DNAH5: variants seen among roughly 807,000 people sequenced by gnomAD.
DNAH5 encodes the protein dynein axonemal heavy chain 5.
A neutral mutation model predicts 518.2 loss-of-function variants in DNAH5; 372 were observed. That is an observed-to-expected ratio of 0.72 (90% CI 0.66 to 0.78). The LOEUF (loss-of-function observed/expected upper bound fraction) is 0.78. Ranked by LOEUF, DNAH5 falls within the 30% of genes least tolerant of loss-of-function variation. The pLI is 0.00. For synonymous variants in DNAH5, 2,039 were observed against 2,025.9 expected, an observed-to-expected ratio of 1.01 and a Z score of -0.17; for missense variants, 5,523 against 5,687.0, an observed-to-expected ratio of 0.97 and a Z score of 0.93.
chr5:13,814,747 T>C lies in DNAH5; in HGVS notation c.7088A>G (p.Asn2363Ser), dbSNP rs910750925. 1.1e-5 allele frequency: 18 copies of C among 1,614,100 alleles called. No individual in the cohort carries two copies. The highest frequency in any genetic ancestry group is 5.0e-5 in the Admixed American group (3 of 60,010). The change falls in exon 43 of 79, where the codon AAT becomes AGT. Residue 2363 changes from asparagine to serine, a missense_variant. Around this residue, in one of 3 missense-constraint regions of DNAH5, gnomAD observed 5,121 missense variants for 5,223.3 expected, o/e 0.98. Coordinates refer to ENST00000265104, the MANE Select transcript of DNAH5 (RefSeq NM_001369.3). Reference sequence around the variant, plus strand: ...TGGAGCCATGGGAATCCGATCACCATTGGCAAGGGTTAGAGTTTTGTTATC... The same window carrying C: ...TGGAGCCATGGGAATCCGATCACCACTGGCAAGGGTTAGAGTTTTGTTATC... ...LDDNKTLTLA[N>S]GDRIPMAPNC...
At chr5:13,906,215 T>C (rs1471275654) in intron 12 of DNAH5, among the ~76,000 whole-genome samples, 3 of 152,184 alleles carry the variant, frequency 2.0e-5, no homozygotes, top group Non-Finnish European at 4.4e-5. Context: ...ACCCATAGAA[T>C]GTATAACACC....
At chr5:13,999,482 TTAACA>T (rs1302700079) in intron 1 of DNAH5, among the ~76,000 whole-genome samples, 1 of 152,280 alleles carries the variant, frequency 6.6e-6, no homozygotes, top group Admixed American at 6.5e-5. Context: ...CTTATTTTAC[TTAACA>T]TAACCTCTTC....
intron 70 of DNAH5, among the ~76,000 whole-genome samples, chr5:13,725,939 A>G (rs921036363): frequency 3.3e-5 from 5 of 152,192 alleles, no homozygotes; most frequent in African/African-American, 1.2e-4. Context: ...GGTGTGAGCC[A>G]CCGCGCCTGA....
chr5:13,963,048 C>T (rs978597184), intron 1 of DNAH5, among the ~76,000 whole-genome samples: 1 of 152,072 alleles, frequency 6.6e-6, no homozygotes, highest in Non-Finnish European at 1.5e-5. Flanking sequence ...GCCACCTTCT[C>T]CCTCTCCCTG....
chr5:13,884,954 G>A (rs541671429), intron 19 of DNAH5, 35 bp downstream of exon 19: 1 of 1,613,608 alleles, frequency 6.2e-7, no homozygotes, highest in South Asian at 1.1e-5. Flanking sequence ...AACTATGCCT[G>A]ATCATCCACT....
intron 29 of DNAH5, among the ~76,000 whole-genome samples, chr5:13,861,978 A>AAAAAT: frequency 9.6e-6 from 1 of 104,574 alleles, no homozygotes; most frequent in Non-Finnish European, 2.1e-5. Context: ...AAAAAAAAAC[A>AAAAAT]AGTTCAAATG....
intron 32 of DNAH5, among the ~76,000 whole-genome samples, chr5:13,843,835 G>C (rs1765596684): frequency 6.6e-6 from 1 of 152,202 alleles, no homozygotes; most frequent in African/African-American, 2.4e-5. Context: ...CAGGTTCCCT[G>C]ATGGGCATTC....
intron 35 of DNAH5, among the ~76,000 whole-genome samples, chr5:13,833,680 G>T (rs1378193631): frequency 6.6e-6 from 1 of 152,136 alleles, no homozygotes; most frequent in African/African-American, 2.4e-5. Context: ...CACAGAAGCT[G>T]TGGGAATGTC....
intron 52 of DNAH5, among the ~76,000 whole-genome samples, 195 bp from the exon 53 acceptor site, chr5:13,781,154 G>T (rs967802982): frequency 6.6e-6 from 1 of 152,170 alleles, no homozygotes; most frequent in African/African-American, 2.4e-5. Flanking sequence ...ATCAGACGGG[G>T]TGGGAACCGT....
Position 13,751,032 on chromosome 5 carries a change from T to C in DNAH5, c.11211+46A>G, listed in dbSNP as rs372156605. The C allele has an allele frequency of 1.2e-4, 192 of 1,588,968 alleles. No individual in the cohort carries two copies. In the African/African-American group the frequency reaches 2.5e-3, roughly 21 times the overall value. On this transcript the variant is annotated intron_variant, in intron 65 of 78. Coordinates refer to ENST00000265104, the MANE Select transcript of DNAH5 (RefSeq NM_001369.3). ...TTATCTTATTTTTGTCAATGAAATA[T>C]GACATTAAAGCAATGCAGAATGGGA...
chr5:13,803,882 T>C (rs1342994605), intron 47 of DNAH5, among the ~76,000 whole-genome samples: 1 of 152,200 alleles, frequency 6.6e-6, no homozygotes, highest in Non-Finnish European at 1.5e-5. Flanking sequence ...CAAAAAACAC[T>C]GTGGAATTTC....
At chr5:14,010,577 C>G (rs16903016) in intron 1 of DNAH5, among the ~76,000 whole-genome samples, 12,071 of 152,108 alleles carry the variant, frequency 0.079, 652 homozygotes, top group Admixed American at 0.12. Context: ...AAAATGAGAA[C>G]AGTCACTTGA....
At chr5:13,723,545 G>A (rs543446385) in intron 70 of DNAH5, among the ~76,000 whole-genome samples, 3 of 152,346 alleles carry the variant, frequency 2.0e-5, no homozygotes, top group East Asian at 3.8e-4. Flanking sequence ...AGAATACTAT[G>A]GGGCCAGATG....
chr5:13,887,914 G>A (rs1338242857), intron 17 of DNAH5, among the ~76,000 whole-genome samples: 1 of 152,024 alleles, frequency 6.6e-6, no homozygotes, highest in African/African-American at 2.4e-5. Flanking sequence ...AATGCTACTC[G>A]GGAATCATTC....
intron 32 of DNAH5, 116 bp from the exon 33 acceptor site, chr5:13,842,020 A>C (rs1765254305): frequency 4.3e-6 from 3 of 690,344 alleles, no homozygotes; most frequent in Non-Finnish European, 7.4e-6. Flanking sequence ...AAAATACTGT[A>C]AAAGCCAAAT....
Position 13,691,544 on chromosome 5 carries a change from C to A in DNAH5, c.*440G>T. On this transcript the variant is annotated 3_prime_UTR_variant, in exon 79 of 79. Transcript: ENST00000265104. ...GAAACCCTGAAAATAAGTCTCTTAACTTGACCTAAATACGAAAGGCAATAG... is the reference window on the plus strand; with the variant it reads ...GAAACCCTGAAAATAAGTCTCTTAAATTGACCTAAATACGAAAGGCAATAG... 6.2e-6 allele frequency: 1 copy of A among 160,326 alleles called. No individual in the cohort carries two copies. Among genetic ancestry groups the A allele is most frequent in the Non-Finnish European group, 1.4e-5 (1 of 73,032 alleles). The allele number at this position is 160,326 out of a possible 1,614,324, so 9.9% of individuals were successfully genotyped here.
In DNAH5 at chr5:13,841,762, C is replaced by T. The variant is rs574405090; in HGVS notation, c.5414G>A (p.Arg1805His). 25 of 1,613,902 alleles carry T rather than the reference C, an allele frequency of 1.5e-5. No individual in the cohort carries two copies. Among genetic ancestry groups the T allele is most frequent in the South Asian group, 2.2e-5 (2 of 91,076 alleles). The change falls in exon 33 of 79, where the codon CGC becomes CAC. Residue 1805 changes from arginine to histidine, a missense_variant. Physicochemically the swap from Arg to His is conservative, Grantham distance 29 (BLOSUM62 0). Transcript: ENST00000265104. ...ESQSSLHLVIRQAAANIQETG... is the reference protein window; with the variant it reads ...ESQSSLHLVIHQAAANIQETG... ...TTCTTGAATATTTGCGGCTGCCTGG[C>T]GAATCACAAGATGCAATGAGGACTG... is the stretch of plus-strand genomic sequence containing the variant.
intron 52 of DNAH5, among the ~76,000 whole-genome samples, chr5:13,785,142 T>C (rs942948195): frequency 5.9e-5 from 9 of 152,094 alleles, no homozygotes; most frequent in African/African-American, 2.2e-4. Flanking sequence ...TACAACTAGA[T>C]GGTCCCATCT....
rs1760416718 is a variant in DNAH5, at chr5:13,810,175, A to T, written c.7493T>A (p.Leu2498Gln). The change falls in exon 45 of 79, where the codon CTG becomes CAG. Residue 2498 changes from leucine to glutamine, a missense_variant. Physicochemically the swap from Leu to Gln is moderately radical, Grantham distance 113 (BLOSUM62 -2). Around this residue, in one of 3 missense-constraint regions of DNAH5, gnomAD observed 5,121 missense variants for 5,223.3 expected, o/e 0.98. Coordinates refer to ENST00000265104, the MANE Select transcript of DNAH5 (RefSeq NM_001369.3). ...GAGCTCCAGGCGGCGCCGTCCGTCCAGCTCCAGCGCCGCCCCCGCGCTCCA... is the reference window on the plus strand; with the variant it reads ...GAGCTCCAGGCGGCGCCGTCCGTCCTGCTCCAGCGCCGCCCCCGCGCTCCA... ...LLWSAGAALE[L>Q]DGRRRLELWL... 2 of 1,549,026 alleles carry T rather than the reference A, an allele frequency of 1.3e-6. No individual in the cohort carries two copies. The highest frequency in any genetic ancestry group is 2.0e-5 in the Admixed American group (1 of 50,922).
Sources: gnomAD v4.1 joint callset for allele counts (sites outside exome capture counted in the v4.1 genomes callset) on GRCh38, gnomAD v4.1.1 for gene constraint, gnomAD v4.1.1 regional missense constraint, MANE v1.5 for transcripts, NCBI Gene and HGNC (gene_info 2026-07-23, HGNC 2026-07-21) for gene names.